Variants in MDGA2 observed in about 807,000 individuals in gnomAD.
The protein encoded by MDGA2 is MAM domain-containing glycosylphosphatidylinositol anchor protein 2.
A neutral mutation model predicts 117.8 loss-of-function variants in MDGA2; 40 were observed. The observed-to-expected ratio is 0.34, with a 90% confidence interval of 0.26 to 0.44. MDGA2 has a LOEUF of 0.44. MDGA2 is among the 20% of genes least tolerant of loss of function. MDGA2 has a pLI of 1.00. For missense variants in MDGA2, 1,123 were observed against 1,250.6 expected, an observed-to-expected ratio of 0.90 and a Z score of 1.54; for synonymous variants, 452 against 439.0, an observed-to-expected ratio of 1.03 and a Z score of -0.37.
At chr14:47,246,985 G>A (rs964181058) in intron 2 of MDGA2, among the ~76,000 whole-genome samples, 4 of 151,862 alleles carry the variant, frequency 2.6e-5, no homozygotes, top group Non-Finnish European at 5.9e-5. Flanking sequence ...TATATTGTGC[G>A]ATCCTCAGTT....
chr14:47,581,181 T>C (rs1057303320), intron 1 of MDGA2, among the ~76,000 whole-genome samples: 15 of 152,008 alleles, frequency 9.9e-5, no homozygotes, highest in African/African-American at 3.4e-4. Flanking sequence ...CTCTCCTTTA[T>C]TACTTTCTGC....
chr14:47,398,585 T>C (rs1892067353), intron 1 of MDGA2, among the ~76,000 whole-genome samples: 1 of 152,166 alleles, frequency 6.6e-6, no homozygotes, highest in East Asian at 1.9e-4. Flanking sequence ...CAGCTACATA[T>C]GAGAAAATCA....
At chr14:46,870,772 C>T (rs2138354617) in intron 14 of MDGA2, among the ~76,000 whole-genome samples, 1 of 151,960 alleles carries the variant, frequency 6.6e-6, no homozygotes, top group East Asian at 1.9e-4. Flanking sequence ...ACTGGACATC[C>T]ATTGACAATA....
chr14:47,303,388 A>T (rs1889344536), intron 1 of MDGA2, among the ~76,000 whole-genome samples: 1 of 152,186 alleles, frequency 6.6e-6, no homozygotes, highest in African/African-American at 2.4e-5. Context: ...CCAATTTATT[A>T]AAAATTTTCC....
At chr14:47,165,872 G>A (rs1219938682) in intron 3 of MDGA2, among the ~76,000 whole-genome samples, 1 of 151,920 alleles carries the variant, frequency 6.6e-6, no homozygotes, top group Non-Finnish European at 1.5e-5. Flanking sequence ...CATACCGATA[G>A]GCAGAATAAA....
chr14:46,962,341 T>C (rs1295928743), intron 8 of MDGA2, among the ~76,000 whole-genome samples: 7 of 152,150 alleles, frequency 4.6e-5, no homozygotes, highest in African/African-American at 2.4e-5. Flanking sequence ...AGTGGGAATG[T>C]GTAGATTGGG....
At chr14:47,392,283 T>C (rs960098165) in intron 1 of MDGA2, among the ~76,000 whole-genome samples, 1 of 152,158 alleles carries the variant, frequency 6.6e-6, no homozygotes, top group Non-Finnish European at 1.5e-5. Context: ...CATTAACTTT[T>C]ATCATTTCAT....
At chr14:47,629,685 T>C (rs544462147) in intron 1 of MDGA2, among the ~76,000 whole-genome samples, 2 of 152,344 alleles carry the variant, frequency 1.3e-5, no homozygotes, top group Admixed American at 6.5e-5. Flanking sequence ...CCCTTATTAC[T>C]TTCTCCCTTA....
chr14:46,857,601 C>T (rs984232270), intron 14 of MDGA2, among the ~76,000 whole-genome samples: 2 of 151,950 alleles, frequency 1.3e-5, no homozygotes, highest in Admixed American at 6.6e-5. Context: ...CAGGGTTATG[C>T]TGAGTTTCTT....
At chr14:47,201,414 T>C (rs541183836) in intron 3 of MDGA2, among the ~76,000 whole-genome samples, 4 of 152,272 alleles carry the variant, frequency 2.6e-5, no homozygotes, top group African/African-American at 9.6e-5. Context: ...TAAACCCAGA[T>C]TGTTCTCCCT....
At chr14:47,057,863 T>C (rs1889743575) in intron 7 of MDGA2, among the ~76,000 whole-genome samples, 1 of 151,978 alleles carries the variant, frequency 6.6e-6, no homozygotes, top group Non-Finnish European at 1.5e-5. Context: ...AAAGGGATCC[T>C]CCTGAGTCAG....
chr14:47,479,183 A>G (rs952554638), intron 1 of MDGA2, among the ~76,000 whole-genome samples: 3 of 152,182 alleles, frequency 2.0e-5, no homozygotes, highest in African/African-American at 7.2e-5. Flanking sequence ...AATGATGATG[A>G]TTTAAATAAT....
chr14:47,459,787 C>T (rs550822232), intron 1 of MDGA2, among the ~76,000 whole-genome samples: 10 of 152,004 alleles, frequency 6.6e-5, no homozygotes, highest in South Asian at 2.1e-4. Flanking sequence ...GAATTAATAC[C>T]GAAATGTACT....
chr14:47,622,886 T>C (rs964576272), intron 1 of MDGA2, among the ~76,000 whole-genome samples: 11 of 152,124 alleles, frequency 7.2e-5, no homozygotes, highest in African/African-American at 2.2e-4. Context: ...AGGAAATGAA[T>C]TGTGGATGTT....
At chr14:47,550,762 T>C (rs1313588068) in intron 1 of MDGA2, among the ~76,000 whole-genome samples, 1 of 152,220 alleles carries the variant, frequency 6.6e-6, no homozygotes, top group Non-Finnish European at 1.5e-5. Flanking sequence ...TGAAATTATA[T>C]GAATATTGCC....
chr14:47,445,813 T>G (rs1028978216), intron 1 of MDGA2, among the ~76,000 whole-genome samples: 3 of 152,124 alleles, frequency 2.0e-5, no homozygotes, highest in African/African-American at 7.2e-5. Flanking sequence ...TGTAGTCCCT[T>G]TGTAAATTGT....
chr14:47,572,758 T>C (rs1234152689), intron 1 of MDGA2, among the ~76,000 whole-genome samples: 4 of 152,104 alleles, frequency 2.6e-5, no homozygotes, highest in Non-Finnish European at 5.9e-5. Context: ...AACAGTAATA[T>C]ATTTTTTCAC....
intron 15 of MDGA2, among the ~76,000 whole-genome samples, chr14:46,851,134 A>G (rs2138287985): frequency 6.6e-6 from 1 of 151,904 alleles, no homozygotes; most frequent in South Asian, 2.1e-4. Context: ...ATTTCTCAAA[A>G]CCTGTTTCTA....
At chr14:47,170,867 T>A (rs1004417626) in intron 3 of MDGA2, among the ~76,000 whole-genome samples, 4 of 152,302 alleles carry the variant, frequency 2.6e-5, no homozygotes, top group Admixed American at 2.6e-4. Flanking sequence ...TAAAGAAGAA[T>A]ATTTTTTAAG....
Sources: allele counts gnomAD v4.1 joint callset (sites outside exome capture counted in the v4.1 genomes callset), GRCh38; gene constraint gnomAD v4.1.1; transcripts MANE v1.5; gene names NCBI Gene and HGNC (gene_info 2026-07-23, HGNC 2026-07-21).